The following GABRG3 variants were observed in gnomAD, a reference collection of about 807,000 sequenced individuals.
GABRG3 encodes the protein gamma-aminobutyric acid receptor subunit gamma-3.
Under a neutral mutation model 48.8 loss-of-function variants are expected in GABRG3, and 25 were observed. The observed-to-expected ratio is 0.51, with a 90% CI of 0.37 to 0.72. The LOEUF is 0.72. Ranked by LOEUF, GABRG3 falls within the 30% of genes least tolerant of loss-of-function variation. The probability of loss-of-function intolerance (pLI) is 0.00; values close to 1 mark genes in which losing one functional copy is unlikely to be tolerated. For synonymous variants in GABRG3, 227 were observed against 217.6 expected (o/e 1.04, Z -0.38); for missense variants, 394 against 577.9 (o/e 0.68, Z 3.26).
intron 3 of GABRG3, among the ~76,000 whole-genome samples, chr15:27,098,998 T>G (rs1042280901): frequency 6.6e-6 from 1 of 152,012 alleles, no homozygotes; most frequent in Non-Finnish European, 1.5e-5. Context: ...CCGTAATATG[T>G]CCAAAGTGCC....
At chr15:27,383,634 A>G (rs1318935191) in intron 5 of GABRG3, among the ~76,000 whole-genome samples, 2 of 152,172 alleles carry the variant, frequency 1.3e-5, no homozygotes, top group South Asian at 2.1e-4. Context: ...CAACCGGAAC[A>G]TGGGTCACCT....
intron 5 of GABRG3, among the ~76,000 whole-genome samples, chr15:27,423,269 C>T (rs1029349777): frequency 2.9e-5 from 4 of 135,752 alleles, no homozygotes; most frequent in African/African-American, 1.1e-4. Flanking sequence ...AAAAAAACCT[C>T]TAGAGAGCCA....
chr15:27,018,605 AT>A (rs1895822241), intron 2 of GABRG3, among the ~76,000 whole-genome samples: 2 of 152,110 alleles, frequency 1.3e-5, no homozygotes, highest in South Asian at 4.2e-4. Context: ...GTTGACATCT[AT>A]AGTTCTGGGA....
chr15:27,320,895 G>A (rs1893401643), intron 3 of GABRG3, among the ~76,000 whole-genome samples: 1 of 151,560 alleles, frequency 6.6e-6, no homozygotes, highest in Non-Finnish European at 1.5e-5. Context: ...TCCTAAAAAG[G>A]GCCTGGGTTG....
chr15:27,324,106 C>A (rs1277599446), intron 3 of GABRG3, among the ~76,000 whole-genome samples: 1 of 152,216 alleles, frequency 6.6e-6, no homozygotes, highest in Admixed American at 6.5e-5. Flanking sequence ...TGTATCTAGC[C>A]ACTGAATATT....
At chr15:27,214,694 A>AT (rs58631276) in intron 3 of GABRG3, among the ~76,000 whole-genome samples, 12,146 of 145,776 alleles carry the variant, frequency 0.083, 762 homozygotes, top group Non-Finnish European at 0.13. Context: ...TCACATCCAC[A>AT]TTTTTTTTTT....
intron 5 of GABRG3, among the ~76,000 whole-genome samples, chr15:27,387,247 A>G (rs1171500701): frequency 1.5e-5 from 2 of 130,448 alleles, no homozygotes; most frequent in East Asian, 2.4e-4. Flanking sequence ...TCCTGTTGTA[A>G]TTCACGTTTT....
chr15:27,258,949 T>A (rs1185936586), intron 3 of GABRG3, among the ~76,000 whole-genome samples: 2 of 152,186 alleles, frequency 1.3e-5, no homozygotes, highest in East Asian at 3.9e-4. Context: ...ACATCCTACT[T>A]CTGTGAGCTC....
intron 6 of GABRG3, chr15:27,481,363 T>C (rs1328104617): frequency 4.1e-6 from 3 of 724,610 alleles, no homozygotes; most frequent in Non-Finnish European, 5.1e-6. Flanking sequence ...TTTGTTTTGC[T>C]TTTTGTCTTA....
At chr15:27,205,649 C>G (rs1322175137) in intron 3 of GABRG3, among the ~76,000 whole-genome samples, 11 of 151,408 alleles carry the variant, frequency 7.3e-5, no homozygotes, top group Non-Finnish European at 1.5e-5. Flanking sequence ...ATAAACTATT[C>G]TTTACATACC....
chr15:27,375,792 G>C (rs139520095), intron 5 of GABRG3, among the ~76,000 whole-genome samples: 6,550 of 152,200 alleles, frequency 0.043, 234 homozygotes, highest in African/African-American at 0.091. Context: ...TTCAGAATGA[G>C]ATTTGGGTGG....
In GABRG3 at chr15:27,316,338, AGATCCC is replaced by A. The variant is rs964772644; in HGVS notation, c.271-10469_271-10464del. The stretch of plus-strand genomic sequence containing the variant: ...GGGAGGCAGAGCTTGCAGTGAGCCG[AGATCCC>A]GCCACTGCACTCCAGCCTGGGCGAC... On this transcript the variant is annotated intron_variant, in intron 3 of 9. Transcript: ENST00000615808. Among the ~76,000 whole-genome samples the A allele has an allele frequency of 1.7e-4, 25 of 146,398 alleles. No individual in the cohort carries two copies. In the South Asian group the frequency reaches 2.0e-3, roughly 12 times the overall value.
chr15:27,079,722 G>T (rs1896961703), intron 3 of GABRG3, among the ~76,000 whole-genome samples: 1 of 152,088 alleles, frequency 6.6e-6, no homozygotes, highest in Non-Finnish European at 1.5e-5. Flanking sequence ...CCATCACTTT[G>T]CTATAAAGCA....
At chr15:27,010,274 TTTG>T (rs1895661293) in intron 2 of GABRG3, among the ~76,000 whole-genome samples, 1 of 152,194 alleles carries the variant, frequency 6.6e-6, no homozygotes, top group Non-Finnish European at 1.5e-5. Context: ...TCCTAGGAAT[TTTG>T]TCCTCTCTCT....
chr15:27,343,809 T>C (rs1894272308), intron 5 of GABRG3, among the ~76,000 whole-genome samples: 1 of 152,226 alleles, frequency 6.6e-6, no homozygotes, highest in Non-Finnish European at 1.5e-5. Context: ...TCTAGACTGA[T>C]TGTGATTATC....
At chr15:27,304,232 A>G (rs1892313582) in intron 3 of GABRG3, among the ~76,000 whole-genome samples, 1 of 151,906 alleles carries the variant, frequency 6.6e-6, no homozygotes, top group Admixed American at 6.6e-5. Context: ...GCAAGAAGAA[A>G]ATAAAAAGTG....
intron 6 of GABRG3, among the ~76,000 whole-genome samples, chr15:27,517,692 G>T (rs11074291): frequency 0.63 from 96,416 of 152,050 alleles, 31,982 homozygotes; most frequent in African/African-American, 0.84. Context: ...TTAGCTTGTT[G>T]GTTTATTCCT....
chr15:27,512,414 T>C (rs1411957951), intron 6 of GABRG3, among the ~76,000 whole-genome samples: 1 of 152,048 alleles, frequency 6.6e-6, no homozygotes, highest in African/African-American at 2.4e-5. Flanking sequence ...AGAGTGAATG[T>C]TTGTTGAGCA....
Position 27,256,395 on chromosome 15 carries a change from G to C in GABRG3, c.271-70414G>C, listed in dbSNP as rs531562604. 2.8e-4 allele frequency among the ~76,000 whole-genome samples: 42 copies of C among 150,748 alleles called. No homozygotes were observed. The Middle Eastern group carries it at 0.014, about 49-fold the overall frequency. On this transcript the variant is annotated intron_variant, in intron 3 of 9. Transcript: ENST00000615808. ...GGCAGTGCTTGCAGTGAGCCGAGATGGCGCCACTGCACTCCAGCCTGGGCG... is the reference window on the plus strand; with the variant it reads ...GGCAGTGCTTGCAGTGAGCCGAGATCGCGCCACTGCACTCCAGCCTGGGCG...
Sources: gnomAD v4.1 joint callset for allele counts (sites outside exome capture counted in the v4.1 genomes callset) on GRCh38, gnomAD v4.1.1 for gene constraint, MANE v1.5 for transcripts, NCBI Gene and HGNC (gene_info 2026-07-23, HGNC 2026-07-21) for gene names.